BUB1B: variants seen among roughly 807,000 people sequenced by gnomAD.
The protein encoded by BUB1B is mitotic checkpoint serine/threonine-protein kinase BUB1 beta.
A neutral mutation model predicts 137.7 loss-of-function variants in BUB1B; 86 were observed. The observed-to-expected ratio is 0.62, with a 90% CI of 0.52 to 0.75. The LOEUF (loss-of-function observed/expected upper bound fraction) is 0.75. Ranked by LOEUF, BUB1B falls within the 30% of genes least tolerant of loss-of-function variation. BUB1B has a pLI of 0.00. For synonymous variants in BUB1B, 420 were observed against 417.9 expected, an observed-to-expected ratio of 1.00 and a Z score of -0.06; for missense variants, 1,130 against 1,236.9, an observed-to-expected ratio of 0.91 and a Z score of 1.30.
intron 18 of BUB1B, among the ~76,000 whole-genome samples, chr15:40,211,338 C>T (rs12385956): frequency 0.058 from 8,827 of 151,854 alleles, 832 homozygotes; most frequent in African/African-American, 0.2. Context: ...GCTCTCTATT[C>T]GTATTTAAGT....
Position 40,212,726 on chromosome 15 carries a change from A to C in BUB1B, c.2535+78A>C. On this transcript the variant is annotated intron_variant, in intron 19 of 22. Transcript: ENST00000287598. ...TCCATTTAGCAAAGGAATTTAGTAC[A>C]AAATTCCTGTCAATCTTCTAGAAAT... The C allele has an allele frequency of 2.3e-6, 3 of 1,322,736 alleles. No homozygotes were observed. The Admixed American group carries it at 5.5e-5, about 24-fold the overall frequency. 81.9% of individuals were successfully genotyped at this position (1,322,736 alleles called of 1,614,324 possible).
chr15:40,161,606 C>G (rs1451262604), intron 1 of BUB1B, among the ~76,000 whole-genome samples: 1 of 152,236 alleles, frequency 6.6e-6, no homozygotes, highest in African/African-American at 2.4e-5. Flanking sequence ...GATGTTAATG[C>G]TGCCTTACGT....
chr15:40,204,296 T>C (rs962934416), intron 14 of BUB1B, among the ~76,000 whole-genome samples: 4 of 152,104 alleles, frequency 2.6e-5, no homozygotes, highest in Non-Finnish European at 5.9e-5. Context: ...GAAAAGACAG[T>C]GATGTAAGAG....
At chr15:40,215,495 C>T (rs969697234) in intron 20 of BUB1B, among the ~76,000 whole-genome samples, 4 of 151,592 alleles carry the variant, frequency 2.6e-5, no homozygotes, top group African/African-American at 7.3e-5. Flanking sequence ...AGAGGCCGGG[C>T]GCAGTAGCTC....
At chr15:40,209,878 T>G in intron 17 of BUB1B, 103 bp downstream of exon 17, 7 of 1,482,330 alleles carry the variant, frequency 4.7e-6, no homozygotes, top group Non-Finnish European at 6.6e-6. Flanking sequence ...ATTCCTAGAT[T>G]GTATTTTTTA....
intron 1 of BUB1B, among the ~76,000 whole-genome samples, chr15:40,163,384 G>A (rs1257131868): frequency 6.6e-6 from 1 of 152,174 alleles, no homozygotes; most frequent in Non-Finnish European, 1.5e-5. Flanking sequence ...GACCAGCCTG[G>A]GCAACATAGT....
chr15:40,220,947 C>T lies in BUB1B; in HGVS notation c.*188C>T. 1 of 648,012 alleles carries T rather than the reference C, an allele frequency of 1.5e-6. No individual in the cohort carries two copies. The highest frequency in any genetic ancestry group is 2.7e-6 in the Non-Finnish European group (1 of 367,790). 40.1% of individuals were successfully genotyped at this position (648,012 alleles called of 1,614,324 possible). ...TATACAGTGATATACTTACTCATGG[C>T]CTTGTCTAACTTTTGTGAAGAACTA... On this transcript the variant is annotated 3_prime_UTR_variant, in exon 23 of 23. Transcript: ENST00000287598.
rs371124423 is a variant in BUB1B, at chr15:40,208,725, T to C, written c.2098T>C (p.Cys700Arg). 5 of 1,613,730 alleles carry C rather than the reference T, an allele frequency of 3.1e-6. No individual in the cohort carries two copies. Among genetic ancestry groups the C allele is most frequent in the South Asian group, 2.2e-5 (2 of 91,080 alleles). The change falls in exon 16 of 23, where the codon TGT becomes CGT. Residue 700 changes from cysteine (C) to arginine (R), a missense_variant. Coordinates refer to ENST00000287598, the MANE Select transcript of BUB1B (RefSeq NM_001211.6). ...GGTTGCAAGCACCTCCTCCATCAAA[T>C]GTCTTCAAATTCCTGAGAAACTAGA... ...ASVASTSSIK[C>R]LQIPEKLELT... is the part of the protein sequence containing the mutation.
chr15:40,174,770 C>T (rs2037205725), intron 4 of BUB1B, among the ~76,000 whole-genome samples: 1 of 152,164 alleles, frequency 6.6e-6, no homozygotes, highest in African/African-American at 2.4e-5. Flanking sequence ...TGGAGACCAT[C>T]CTGGCCAATA....
At chr15:40,211,536 G>A (rs1192407243) in intron 18 of BUB1B, among the ~76,000 whole-genome samples, 1 of 152,130 alleles carries the variant, frequency 6.6e-6, no homozygotes, top group African/African-American at 2.4e-5. Flanking sequence ...TATAAGCCTG[G>A]CTGCTAGCTT....
chr15:40,180,388 G>A (rs993222942), intron 5 of BUB1B, among the ~76,000 whole-genome samples: 4 of 150,848 alleles, frequency 2.7e-5, no homozygotes, highest in Admixed American at 1.3e-4. Context: ...CTCCCGAGTA[G>A]CTGAGTAGCT....
At chr15:40,167,490 G>A (rs904724689) in intron 2 of BUB1B, among the ~76,000 whole-genome samples, 2 of 151,404 alleles carry the variant, frequency 1.3e-5, no homozygotes, top group Non-Finnish European at 2.9e-5. Context: ...TTACAGGCAC[G>A]CACCACCACG....
At chr15:40,214,693 T>C (rs1426518710) in intron 20 of BUB1B, among the ~76,000 whole-genome samples, 1 of 152,174 alleles carries the variant, frequency 6.6e-6, no homozygotes, top group East Asian at 1.9e-4. Context: ...TCCCACCTTC[T>C]CCCCTGAGAT....
At chr15:40,187,913 C>T (rs921532298) in intron 8 of BUB1B, among the ~76,000 whole-genome samples, 19 of 151,928 alleles carry the variant, frequency 1.3e-4, no homozygotes, top group South Asian at 1.2e-3. Flanking sequence ...AAATAAATAA[C>T]GAAAATAAAA....
chr15:40,180,270 T>TTTTTTTTTTTTC (rs1426083959), intron 5 of BUB1B, among the ~76,000 whole-genome samples: 2 of 144,086 alleles, frequency 1.4e-5, no homozygotes, highest in African/African-American at 5.1e-5. Context: ...TTTTTTTTTT[T>TTTTTTTTTTTTC]TGAGATGGAG....
intron 1 of BUB1B, among the ~76,000 whole-genome samples, chr15:40,161,912 A>C (rs2037047073): frequency 6.6e-6 from 1 of 152,240 alleles, no homozygotes; most frequent in Non-Finnish European, 1.5e-5. Flanking sequence ...TTCATGTAAC[A>C]AGTATTTTTT....
chr15:40,173,202 T>C (rs370283828), intron 4 of BUB1B, among the ~76,000 whole-genome samples: 48 of 151,330 alleles, frequency 3.2e-4, no homozygotes, highest in African/African-American at 1.1e-3. Context: ...GGAGAATCGC[T>C]TGAACCCAGG....
intron 8 of BUB1B, among the ~76,000 whole-genome samples, chr15:40,188,737 G>A (rs377299864): frequency 5.3e-5 from 8 of 151,274 alleles, no homozygotes; most frequent in South Asian, 2.1e-4. Flanking sequence ...CGCCCGCCAC[G>A]ACGCCCAGCT....
intron 14 of BUB1B, among the ~76,000 whole-genome samples, chr15:40,202,905 A>G (rs1475182883): frequency 6.6e-6 from 1 of 152,236 alleles, no homozygotes; most frequent in Non-Finnish European, 1.5e-5. Context: ...AAAATTACGC[A>G]CAGTAACAAG....
Sources: allele counts gnomAD v4.1 joint callset (sites outside exome capture counted in the v4.1 genomes callset), GRCh38; gene constraint gnomAD v4.1.1; transcripts MANE v1.5; gene names NCBI Gene and HGNC (gene_info 2026-07-23, HGNC 2026-07-21).